The following GRID2 variants were observed in gnomAD, a reference collection of about 807,000 sequenced individuals.
GRID2 encodes the protein glutamate ionotropic receptor delta type subunit 2.
In GRID2, 33 loss-of-function variants were observed where a neutral mutation model predicts 114.8. The observed-to-expected ratio is 0.29, with a 90% CI of 0.22 to 0.38. GRID2 has a LOEUF of 0.38. GRID2 is among the 10% of genes least tolerant of loss of function. GRID2 has a pLI of 1.00. For missense variants in GRID2, 1,184 were observed against 1,257.7 expected (o/e 0.94, Z 0.89); for synonymous variants, 505 against 449.9 (o/e 1.12, Z -1.55).
intron 7 of GRID2, among the ~76,000 whole-genome samples, chr4:93,234,997 T>C (rs774466635): frequency 6.6e-6 from 1 of 152,168 alleles, no homozygotes; most frequent in Non-Finnish European, 1.5e-5. Context: ...ATTTCAAGCG[T>C]AGGAAAAGAT....
intron 13 of GRID2, among the ~76,000 whole-genome samples, chr4:93,518,727 T>C (rs915007328): frequency 6.6e-6 from 1 of 151,982 alleles, no homozygotes; most frequent in Non-Finnish European, 1.5e-5. Context: ...AAGGCTTCAC[T>C]AAGAAAATAA....
intron 2 of GRID2, among the ~76,000 whole-genome samples, chr4:92,879,597 C>T (rs1578373689): frequency 6.6e-6 from 1 of 152,226 alleles, no homozygotes; most frequent in Non-Finnish European, 1.5e-5. Context: ...GAACCATTGT[C>T]ATTTTTATTC....
chr4:92,411,655 G>GTATATATATATATATATATATATATATA (rs70940887), intron 1 of GRID2, among the ~76,000 whole-genome samples: 76 of 84,636 alleles, frequency 9.0e-4, no homozygotes, highest in African/African-American at 1.8e-3. Flanking sequence ...GTGTGTGTGT[G>GTATATATATATATATATATATATATATA]TATATATATA....
chr4:92,449,875 A>T (rs1423237819), intron 1 of GRID2, among the ~76,000 whole-genome samples: 1 of 151,616 alleles, frequency 6.6e-6, no homozygotes, highest in East Asian at 1.9e-4. Context: ...CTTCTGGAAA[A>T]GCACCTTTAT....
intron 1 of GRID2, among the ~76,000 whole-genome samples, chr4:92,402,632 A>C (rs1730841566): frequency 6.6e-6 from 1 of 152,178 alleles, no homozygotes; most frequent in Non-Finnish European, 1.5e-5. Flanking sequence ...AGTTCACTTA[A>C]CATATTCAGT....
At chr4:92,683,701 AAG>A (rs1402221146) in intron 2 of GRID2, among the ~76,000 whole-genome samples, 1 of 151,938 alleles carries the variant, frequency 6.6e-6, no homozygotes, top group Non-Finnish European at 1.5e-5. Context: ...CAAAACAAAA[AAG>A]ATTAAAAATA....
chr4:93,786,809 A>AT (rs1157573959), intron 1 of GRID2, among the ~76,000 whole-genome samples: 1 of 152,262 alleles, frequency 6.6e-6, no homozygotes. Context: ...ACAGTTGCAC[A>AT]TTTTTTTCAA....
chr4:93,805,954 G>A (rs984062720), intron 1 of GRID2, among the ~76,000 whole-genome samples: 21 of 152,162 alleles, frequency 1.4e-4, no homozygotes, highest in African/African-American at 3.6e-4. Context: ...AAAATTAGCC[G>A]GGTGTGGTGG....
At chr4:92,704,548 AG>A (rs1447038901) in intron 2 of GRID2, among the ~76,000 whole-genome samples, 1 of 152,224 alleles carries the variant, frequency 6.6e-6, no homozygotes, top group African/African-American at 2.4e-5. Context: ...GATAGATGAA[AG>A]GAAACATTTT....
At chr4:93,378,314 A>C (rs546040913) in intron 8 of GRID2, among the ~76,000 whole-genome samples, 2 of 152,286 alleles carry the variant, frequency 1.3e-5, no homozygotes, top group Non-Finnish European at 2.9e-5. Context: ...TAATATCAGC[A>C]CTGCTAACAG....
At chr4:92,455,254 G>C (rs1382616527) in intron 1 of GRID2, among the ~76,000 whole-genome samples, 1 of 152,116 alleles carries the variant, frequency 6.6e-6, no homozygotes, top group Non-Finnish European at 1.5e-5. Flanking sequence ...TTTGAGGTTT[G>C]TGGCCAAAAT....
rs1022194412 is a variant in GRID2, at chr4:92,964,451, A to G, written c.245-120544A>G. On this transcript the variant is annotated intron_variant, in intron 2 of 15. Transcript: ENST00000282020. The stretch of plus-strand genomic sequence containing the variant: ...AATGTACATGGGGGTTAAAGCCTAG[A>G]TGACAGGTTGATGGGTGCCACAAAC... Among the ~76,000 whole-genome samples the G allele has an allele frequency of 2.6e-5, 4 of 152,152 alleles. No homozygotes were observed. In the South Asian group the frequency reaches 8.3e-4, roughly 32 times the overall value.
At chr4:92,857,095 G>C (rs1744229953) in intron 2 of GRID2, among the ~76,000 whole-genome samples, 1 of 152,136 alleles carries the variant, frequency 6.6e-6, no homozygotes, top group African/African-American at 2.4e-5. Context: ...AATCAGTGTT[G>C]TCTGTGTTCT....
chr4:92,668,733 A>G (rs1460359093), intron 2 of GRID2, among the ~76,000 whole-genome samples: 1 of 151,900 alleles, frequency 6.6e-6, no homozygotes, highest in African/African-American at 2.4e-5. Flanking sequence ...TGTTCTCTTC[A>G]TAAAATCACT....
At chr4:92,664,700 T>C (rs550384201) in intron 2 of GRID2, among the ~76,000 whole-genome samples, 8 of 151,248 alleles carry the variant, frequency 5.3e-5, no homozygotes, top group Non-Finnish European at 8.9e-5. Context: ...TTTTGCTTCA[T>C]GTATTTGATG....
intron 1 of GRID2, among the ~76,000 whole-genome samples, chr4:92,359,794 G>T (rs1272600700): frequency 6.6e-6 from 1 of 151,878 alleles, no homozygotes; most frequent in African/African-American, 2.4e-5. Context: ...TCAATGAAAG[G>T]CTTTAAAAGC....
chr4:93,261,489 T>C (rs558410215), intron 8 of GRID2, among the ~76,000 whole-genome samples: 19 of 151,798 alleles, frequency 1.3e-4, no homozygotes, highest in Admixed American at 1.1e-3. Context: ...CAGGCTGGAA[T>C]TGCCAGGGAA....
At chr4:93,243,401 T>C (rs1747773437) in intron 8 of GRID2, among the ~76,000 whole-genome samples, 1 of 152,002 alleles carries the variant, frequency 6.6e-6, no homozygotes, top group African/African-American at 2.4e-5. Flanking sequence ...TTACTAGATG[T>C]GTGTCCAAAA....
chr4:92,901,446 T>A (rs1398337830), intron 2 of GRID2, among the ~76,000 whole-genome samples: 3 of 152,174 alleles, frequency 2.0e-5, no homozygotes, highest in African/African-American at 7.2e-5. Flanking sequence ...GGTTGTCTAT[T>A]TACTCTATGA....
Sources: gnomAD v4.1 joint callset for allele counts (sites outside exome capture counted in the v4.1 genomes callset) on GRCh38, gnomAD v4.1.1 for gene constraint, MANE v1.5 for transcripts, NCBI Gene and HGNC (gene_info 2026-07-23, HGNC 2026-07-21) for gene names.